Variants in CYREN observed in about 807,000 individuals in gnomAD.
CYREN encodes cell cycle regulator of NHEJ.
Under a neutral mutation model 9.7 loss-of-function variants are expected in CYREN, and 7 were observed. The observed-to-expected ratio is 0.72, with a 90% confidence interval of 0.41 to 1.36. The LOEUF (loss-of-function observed/expected upper bound fraction) is 1.36. Ranked by LOEUF, CYREN falls within the 40% of genes most tolerant of loss-of-function variation. The probability of loss-of-function intolerance (pLI) is 0.01; values close to 1 mark genes in which losing one functional copy is unlikely to be tolerated. For missense variants in CYREN, 215 were observed against 198.1 expected, an observed-to-expected ratio of 1.09 and a Z score of -0.51; for synonymous variants, 76 against 77.9, an observed-to-expected ratio of 0.98 and a Z score of 0.13.
At chr7:135,171,696 A>G (rs1585386206), upstream of CYREN, among the ~76,000 whole-genome samples, 2 of 152,308 alleles carry the variant, frequency 1.3e-5, no homozygotes, top group East Asian at 3.9e-4. Context: ...CCTTTCTTCT[A>G]CAGCTCCGTG....
At chr7:135,121,416 G>A (rs551767474) in intron 2 of CYREN, among the ~76,000 whole-genome samples, 15 of 152,188 alleles carry the variant, frequency 9.9e-5, no homozygotes, top group African/African-American at 2.2e-4. Context: ...TCAAGTGTAC[G>A]TGGATCATAT....
At chr7:135,094,218 G>A (rs751275267) in exon 3 of CYREN, 1 of 361,880 alleles carries the variant, frequency 2.8e-6, no homozygotes, top group Non-Finnish European at 5.4e-6. Flanking sequence ...AATAATGCTT[G>A]AAAGTCAACA....
chr7:135,167,252 A>C lies in CYREN; in HGVS notation c.214-381T>G, dbSNP rs184457971. On this transcript the variant is annotated intron_variant, in intron 3 of 3. Transcript: ENST00000393114. The stretch of plus-strand genomic sequence containing the variant: ...CACACCACAGGGTTATTGCAAGGCT[A>C]AAATGACATAACGCATGCTTTCAAG... 9.6e-5 allele frequency: 104 copies of C among 1,085,244 alleles called. 1 individual carries two copies. In the Admixed American group the frequency reaches 4.9e-3, roughly 51 times the overall value. The allele number at this position is 1,085,244 out of a possible 1,614,324, so 67.2% of individuals were successfully genotyped here. A position where few individuals can be genotyped will look rare whatever the true frequency, so the allele number is the denominator to read the frequency against.
intron 2 of CYREN, among the ~76,000 whole-genome samples, chr7:135,144,938 T>TAAAAAAAAAAAAAAAAAAAAA: frequency 2.2e-5 from 1 of 45,624 alleles, no homozygotes. Context: ...CTCAAAAGAG[T>TAAAAAAAAAAAAAAAAAAAAA]AAAAAAAAAA....
chr7:135,135,053 T>A (rs951629585), intron 2 of CYREN: 1 of 1,551,202 alleles, frequency 6.4e-7, no homozygotes, highest in African/African-American at 1.4e-5. Flanking sequence ...AATGAAGACA[T>A]AAAACCTCTC....
chr7:135,169,161 G>C (rs546769641), intron 1 of CYREN, 101 bp from the exon 2 acceptor site: 2 of 389,972 alleles, frequency 5.1e-6, no homozygotes, highest in Non-Finnish European at 9.2e-6. Context: ...AGGCCCAAGA[G>C]ACTCAGACGG....
chr7:135,135,806 G>T (rs1370610504), intron 2 of CYREN: 1 of 152,128 alleles, frequency 6.6e-6, no homozygotes, highest in East Asian at 1.9e-4. Context: ...CACTTCCAAT[G>T]ATTAGAAAAA....
In CYREN at chr7:135,140,550, A is replaced by C. The variant is rs373262016; in HGVS notation, n.356+28199T>G. Among the ~76,000 whole-genome samples, 15 of 152,036 alleles carry C rather than the reference A, an allele frequency of 9.9e-5. No individual in the cohort carries two copies. In the South Asian group the frequency reaches 2.7e-3, roughly 27 times the overall value. On this transcript the variant is annotated intron_variant and non_coding_transcript_variant, in intron 2 of 2. Transcript: ENST00000459937. Reference sequence around the variant, plus strand: ...ATCTCTTTTTATTTGGACGCCTTTTATTTCTTTCTCTTGCCTAGTTGCTCT... The same window carrying C: ...ATCTCTTTTTATTTGGACGCCTTTTCTTTCTTTCTCTTGCCTAGTTGCTCT...
At chr7:135,144,932 A>G (rs1232546357) in intron 2 of CYREN, among the ~76,000 whole-genome samples, 8 of 105,988 alleles carry the variant, frequency 7.5e-5, no homozygotes, top group African/African-American at 2.5e-4. Flanking sequence ...CCCTGTCTCA[A>G]AAGAGTAAAA....
chr7:135,163,176 A>C (rs1354798776), downstream of CYREN, among the ~76,000 whole-genome samples: 4 of 152,242 alleles, frequency 2.6e-5, no homozygotes, highest in Non-Finnish European at 1.5e-5. Context: ...ATGTTTTTGA[A>C]GAATATTTAA....
intron 2 of CYREN, among the ~76,000 whole-genome samples, chr7:135,117,103 G>A (rs567508128): frequency 3.3e-5 from 5 of 152,236 alleles, no homozygotes; most frequent in African/African-American, 1.2e-4. Context: ...TTAGTGCAAA[G>A]AATAGGGAAA....
intron 2 of CYREN, among the ~76,000 whole-genome samples, chr7:135,136,716 T>C (rs1284358808): frequency 6.6e-6 from 1 of 151,972 alleles, no homozygotes; most frequent in African/African-American, 2.4e-5. Context: ...TCTGGGAAAA[T>C]ATTTTTAATT....
intron 2 of CYREN, among the ~76,000 whole-genome samples, chr7:135,122,588 C>T (rs1439459663): frequency 6.6e-6 from 1 of 152,132 alleles, no homozygotes; most frequent in Non-Finnish European, 1.5e-5. Flanking sequence ...TGGGTAAGAC[C>T]CTCCAACAGG....
intron 3 of CYREN, 155 bp from the exon 4 acceptor site, chr7:135,167,026 C>T: frequency 1.0e-6 from 1 of 985,398 alleles, no homozygotes; most frequent in Non-Finnish European, 1.2e-6. Flanking sequence ...ACCCTCTCTT[C>T]ACCCCACTCC....
In CYREN at chr7:135,128,555, T is replaced by C. The variant is rs116057567; in HGVS notation, n.357-33973A>G. 107 of 768,734 alleles carry C rather than the reference T, an allele frequency of 1.4e-4. No homozygotes were observed. The African/African-American group carries it at 1.7e-3, about 12-fold the overall frequency. 47.6% of individuals were successfully genotyped at this position (768,734 alleles called of 1,614,324 possible). ...CCAAGGTGGAGAAACCAGGATCTAT[T>C]TGGATTTGCCATAGAATTTCAAGAT... On this transcript the variant is annotated intron_variant and non_coding_transcript_variant, in intron 2 of 2. Coordinates refer to the CYREN transcript ENST00000459937.
At chr7:135,167,482 C>T in intron 3 of CYREN, 2 of 1,390,210 alleles carry the variant, frequency 1.4e-6, no homozygotes, top group Non-Finnish European at 1.9e-6. Flanking sequence ...CACGCTCTCC[C>T]TAACACACAC....
chr7:135,156,636 A>G (rs1329589681), intron 2 of CYREN, among the ~76,000 whole-genome samples: 2 of 152,084 alleles, frequency 1.3e-5, no homozygotes, highest in African/African-American at 2.4e-5. Context: ...TCTTTGTATT[A>G]GTTTTCAGAT....
At chr7:135,101,404 G>T in intron 2 of CYREN, 2 of 353,308 alleles carry the variant, frequency 5.7e-6, no homozygotes, top group Non-Finnish European at 1.1e-5. Flanking sequence ...GAGATTGATA[G>T]CTATTTTAGT....
intron 2 of CYREN, among the ~76,000 whole-genome samples, chr7:135,139,372 T>A (rs1345176048): frequency 1.3e-5 from 2 of 152,026 alleles, no homozygotes; most frequent in Non-Finnish European, 2.9e-5. Context: ...TTGTTGGCCA[T>A]GTGTATGTCT....
Sources: allele counts gnomAD v4.1 joint callset (sites outside exome capture counted in the v4.1 genomes callset), GRCh38; gene constraint gnomAD v4.1.1; transcripts MANE v1.5; gene names NCBI Gene and HGNC (gene_info 2026-07-23, HGNC 2026-07-21).